POU2F2: variants seen among roughly 807,000 people sequenced by gnomAD.
POU2F2 encodes the protein POU domain, class 2, transcription factor 2.
POU2F2 carries 14 observed loss-of-function variants against 63.5 expected under a neutral mutation model. The ratio of observed to expected loss-of-function variants is 0.22; its 90% CI spans 0.15 to 0.34. POU2F2 has a LOEUF of 0.34. Ranked by LOEUF, POU2F2 falls within the 10% of genes least tolerant of loss-of-function variation. The pLI is 1.00. For synonymous variants in POU2F2, 306 were observed against 348.6 expected (o/e 0.88, Z 1.36); for missense variants, 607 against 815.2 (o/e 0.74, Z 3.11).
rs2076932773 is a variant in POU2F2, at chr19:42,096,650, C to A, written c.568-407G>T. Among the ~76,000 whole-genome samples, 1 of 152,224 alleles carries A rather than the reference C, an allele frequency of 6.6e-6. No homozygotes were observed. The highest frequency in any genetic ancestry group is 1.5e-5 in the Non-Finnish European group (1 of 68,034). Reference sequence around the variant, plus strand: ...TGCTTAGCCCAGGCCTCACTTTCCCCCTCTGCAGGATGGGAACAATCACTG... The same window carrying A: ...TGCTTAGCCCAGGCCTCACTTTCCCACTCTGCAGGATGGGAACAATCACTG... On this transcript the variant is annotated intron_variant, in intron 7 of 14. Transcript: ENST00000692977. The surrounding 1 kb of genome is among the most constrained non-coding windows in gnomAD (Gnocchi z 4.1).
intron 2 of POU2F2, among the ~76,000 whole-genome samples, chr19:42,139,839 A>C (rs568475935): frequency 6.6e-6 from 1 of 152,058 alleles, no homozygotes; most frequent in African/African-American, 2.4e-5. Flanking sequence ...AGCATGGCCA[A>C]CCTACTCTAA....
chr19:42,189,061 G>C (rs538140940), intron 1 of POU2F2, among the ~76,000 whole-genome samples: 1 of 152,274 alleles, frequency 6.6e-6, no homozygotes, highest in South Asian at 2.1e-4. Context: ...AATGTACTTG[G>C]ATTTGGCAAG....
intron 1 of POU2F2, among the ~76,000 whole-genome samples, chr19:42,174,370 G>A (rs751071106): frequency 9.9e-5 from 15 of 152,196 alleles, no homozygotes; most frequent in Admixed American, 6.5e-4. Flanking sequence ...AAAGTGTCAC[G>A]TGTCCACTGC....
rs1438251042 is a variant in POU2F2, at chr19:42,086,830, A to AG, written c.*4426dup. 6.6e-6 allele frequency: 1 copy of AG among 152,216 alleles called. No individual in the cohort carries two copies. Among genetic ancestry groups the AG allele is most frequent in the Non-Finnish European group, 1.5e-5 (1 of 68,056 alleles). The allele number at this position is 152,216 out of a possible 1,614,324, so 9.4% of individuals were successfully genotyped here. On this transcript the variant is annotated 3_prime_UTR_variant, in exon 15 of 15. Coordinates refer to ENST00000692977, the MANE Select transcript of POU2F2 (RefSeq NM_001394376.1). ...AAGAGAGGAAGGGGAGGGAGGCAGA[A>AG]GGGAGGGGTCACAGACATAGTAAAT...
upstream of POU2F2, among the ~76,000 whole-genome samples, chr19:42,135,578 T>A (rs532347629): frequency 5.9e-5 from 9 of 152,214 alleles, no homozygotes; most frequent in South Asian, 1.9e-3. Flanking sequence ...ATGCCCAGCC[T>A]CAGCTCTGGC....
intron 14 of POU2F2, 125 bp downstream of exon 14, chr19:42,091,742 G>A (rs1475764335): frequency 1.3e-6 from 2 of 1,550,428 alleles, no homozygotes; most frequent in Non-Finnish European, 1.7e-6. Context: ...AGGTGAGATG[G>A]GTATGAAGAG....
intron 1 of POU2F2, among the ~76,000 whole-genome samples, chr19:42,193,217 CA>C (rs1046136227): frequency 0.086 from 5,679 of 65,906 alleles, 81 homozygotes; most frequent in Non-Finnish European, 0.12. Context: ...GACTCCGTCT[CA>C]AAAAAAAAAA....
chr19:42,130,181 CCAGT>C (rs1401228041), intron 1 of POU2F2, among the ~76,000 whole-genome samples: 1 of 152,096 alleles, frequency 6.6e-6, no homozygotes, highest in African/African-American at 2.4e-5. Flanking sequence ...CATACTACAC[CCAGT>C]CACTCACAGA....
chr19:42,108,760 CAG>C (rs1413084561), intron 5 of POU2F2, among the ~76,000 whole-genome samples: 2 of 152,128 alleles, frequency 1.3e-5, no homozygotes, highest in African/African-American at 4.8e-5. Flanking sequence ...GCACACCAGT[CAG>C]AGGGTGGAGA....
At chr19:42,145,530 G>A (rs750360613) in intron 2 of POU2F2, among the ~76,000 whole-genome samples, 2 of 152,220 alleles carry the variant, frequency 1.3e-5, no homozygotes, top group Non-Finnish European at 2.9e-5. Context: ...TCTGAGCTCT[G>A]GACATTTGAA....
chr19:42,126,472 A>AATT (rs2146673103), intron 1 of POU2F2, among the ~76,000 whole-genome samples: 1 of 151,698 alleles, frequency 6.6e-6, no homozygotes, highest in Non-Finnish European at 1.5e-5. Context: ...AAAAAGAGGG[A>AATT]ATTAGGTCAC....
intron 5 of POU2F2, among the ~76,000 whole-genome samples, chr19:42,100,741 ACT>A (rs1412336652): frequency 6.6e-6 from 1 of 151,760 alleles, no homozygotes; most frequent in Non-Finnish European, 1.5e-5. Context: ...ACAGAGCAAG[ACT>A]CTGTCTCAAA....
chr19:42,093,689 C>G, intron 12 of POU2F2, 140 bp downstream of exon 12: 1 of 794,592 alleles, frequency 1.3e-6, no homozygotes, highest in East Asian at 2.7e-5. Flanking sequence ...CCTCTTCCCA[C>G]TGTCTCTCCC....
intron 2 of POU2F2, among the ~76,000 whole-genome samples, chr19:42,151,627 GA>G (rs1204850534): frequency 6.6e-6 from 1 of 152,218 alleles, no homozygotes; most frequent in Non-Finnish European, 1.5e-5. Flanking sequence ...GGGGTGGGGG[GA>G]AACTGAGGCC....
chr19:42,136,139 T>C (rs2034006579), upstream of POU2F2, among the ~76,000 whole-genome samples: 3 of 151,488 alleles, frequency 2.0e-5, no homozygotes, highest in South Asian at 4.2e-4. Flanking sequence ...TTCCTCTTTG[T>C]CTTCATTAGC....
chr19:42,093,702 T>C, intron 12 of POU2F2, 127 bp downstream of exon 12: 7 of 918,662 alleles, frequency 7.6e-6, no homozygotes, highest in South Asian at 1.9e-5. Context: ...TCTCTCCCAT[T>C]CCCCCACCCA....
intron 1 of POU2F2, 140 bp downstream of exon 1, chr19:42,132,244 A>T (rs1355953187): frequency 3.2e-6 from 3 of 936,318 alleles, no homozygotes; most frequent in Non-Finnish European, 4.7e-6. Context: ...GGGACCCGGC[A>T]TGGGAGAGAG....
intron 1 of POU2F2, among the ~76,000 whole-genome samples, chr19:42,128,842 T>C (rs2033436209): frequency 6.6e-6 from 1 of 151,912 alleles, no homozygotes; most frequent in South Asian, 2.1e-4. Flanking sequence ...GATTCTCTTT[T>C]TTTTTTTTTA....
intron 5 of POU2F2, among the ~76,000 whole-genome samples, chr19:42,106,035 C>CTT (rs1467800455): frequency 7.2e-6 from 1 of 139,276 alleles, no homozygotes; most frequent in African/African-American, 2.7e-5. Flanking sequence ...TTCTTTCTTT[C>CTT]TTTCTTTCTT....
Sources: allele counts gnomAD v4.1 joint callset (sites outside exome capture counted in the v4.1 genomes callset), GRCh38; gene constraint gnomAD v4.1.1; non-coding constraint Gnocchi (gnomAD v3.1); transcripts MANE v1.5; gene names NCBI Gene and HGNC (gene_info 2026-07-23, HGNC 2026-07-21).